SUGCT: variants seen among roughly 807,000 people sequenced by gnomAD.
SUGCT encodes succinyl-CoA:glutarate-CoA transferase, also known as succinyl-CoA:glutarate CoA-transferase.
In SUGCT, 41 loss-of-function variants were observed where a neutral mutation model predicts 55.0. The ratio of observed to expected loss-of-function variants is 0.74; its 90% CI spans 0.58 to 0.97. The LOEUF is 0.97. Ranked by LOEUF, SUGCT falls within the 50% of genes least tolerant of loss-of-function variation. SUGCT has a pLI of 0.00. For missense variants in SUGCT, 568 were observed against 547.8 expected (o/e 1.04, Z -0.37); for synonymous variants, 187 against 200.4 (o/e 0.93, Z 0.56).
rs146695769 is a variant in SUGCT at position 40,611,907 on chromosome 7, C to A, written c.1089+115521C>A. On this transcript the variant is annotated intron_variant, in intron 12 of 13. Coordinates refer to ENST00000335693, the MANE Select transcript of SUGCT (RefSeq NM_001193313.2). ...TCTGTGCAGCCTGTATGCAGAGCTGCTGCTGTAACCACTATCACAGAGCTG... is the reference window on the plus strand; with the variant it reads ...TCTGTGCAGCCTGTATGCAGAGCTGATGCTGTAACCACTATCACAGAGCTG... 3.4e-3 allele frequency among the ~76,000 whole-genome samples: 522 copies of A among 152,216 alleles called. 4 individuals are homozygous for A. The highest frequency in any genetic ancestry group is 0.012 in the African/African-American group (498 of 41,520).
intron 12 of SUGCT, among the ~76,000 whole-genome samples, chr7:40,600,091 C>T (rs1798218867): frequency 6.6e-6 from 1 of 152,176 alleles, no homozygotes; most frequent in Non-Finnish European, 1.5e-5. Flanking sequence ...TACTATGACC[C>T]ATACCTGAAG....
chr7:40,173,734 A>G (rs963800476), intron 1 of SUGCT, among the ~76,000 whole-genome samples: 1 of 152,066 alleles, frequency 6.6e-6, no homozygotes, highest in Non-Finnish European at 1.5e-5. Flanking sequence ...TCTTAGTTGG[A>G]CTAGGAAATC....
intron 6 of SUGCT, among the ~76,000 whole-genome samples, chr7:40,230,724 T>A (rs1788677015): frequency 1.3e-5 from 2 of 152,154 alleles, no homozygotes; most frequent in South Asian, 2.1e-4. Context: ...GTGGGATAAC[T>A]TCTTCTTAGG....
chr7:40,835,322 A>G (rs1185514211), intron 13 of SUGCT, among the ~76,000 whole-genome samples: 1 of 152,218 alleles, frequency 6.6e-6, no homozygotes, highest in Non-Finnish European at 1.5e-5. Context: ...ATTAAAATCT[A>G]ATTTCCAAAG....
At chr7:40,146,964 C>T (rs1045998837) in intron 1 of SUGCT, among the ~76,000 whole-genome samples, 5 of 152,132 alleles carry the variant, frequency 3.3e-5, no homozygotes, top group East Asian at 1.9e-4. Flanking sequence ...TTCTTCCTCT[C>T]TTTGACTTCC....
At chr7:40,904,959 C>G in the SUGCT span, among the ~76,000 whole-genome samples, 3 of 152,130 alleles carry the variant, frequency 2.0e-5, no homozygotes, top group African/African-American at 4.8e-5. Context: ...TGCCTGAAAA[C>G]AAGTGGCGGA....
At chr7:40,541,005 A>G (rs920018398) in intron 12 of SUGCT, among the ~76,000 whole-genome samples, 1 of 152,160 alleles carries the variant, frequency 6.6e-6, no homozygotes, top group Non-Finnish European at 1.5e-5. Flanking sequence ...TTCAGGTGCC[A>G]TGGTAGGTGT....
chr7:40,783,182 A>G (rs1343897159), intron 13 of SUGCT, among the ~76,000 whole-genome samples: 1 of 152,170 alleles, frequency 6.6e-6, no homozygotes, highest in Non-Finnish European at 1.5e-5. Context: ...CACAACATCC[A>G]AAAGCTTGCC....
intron 9 of SUGCT, among the ~76,000 whole-genome samples, chr7:40,418,525 T>A (rs1787130773): frequency 6.6e-6 from 1 of 152,202 alleles, no homozygotes; most frequent in Admixed American, 6.5e-5. Context: ...GGGAGAATAA[T>A]GAGTTTGTAC....
chr7:40,653,404 C>T (rs987519535), intron 12 of SUGCT, among the ~76,000 whole-genome samples: 18 of 151,484 alleles, frequency 1.2e-4, no homozygotes, highest in Admixed American at 4.6e-4. Flanking sequence ...TATTTTTTTT[C>T]CAAAATAAAA....
At chr7:40,848,579 C>T (rs140521434) in intron 13 of SUGCT, among the ~76,000 whole-genome samples, 1 of 151,894 alleles carries the variant, frequency 6.6e-6, no homozygotes, top group East Asian at 1.9e-4. Context: ...AAATAGACAA[C>T]CTATAGATAC....
At chr7:40,379,545 G>A (rs570545097) in intron 9 of SUGCT, among the ~76,000 whole-genome samples, 1 of 152,118 alleles carries the variant, frequency 6.6e-6, no homozygotes, top group South Asian at 2.1e-4. Flanking sequence ...TGTTTTCCTG[G>A]TCAGTTTTCT....
Position 40,423,850 on chromosome 7 carries a change from A to G in SUGCT, c.817-25437A>G, listed in dbSNP as rs577105580. 2.6e-5 allele frequency among the ~76,000 whole-genome samples: 4 copies of G among 152,100 alleles called. No homozygotes were observed. The South Asian group carries it at 8.3e-4, about 31-fold the overall frequency. ...TACAACATCAAGGGGTTTATTTGGA[A>G]TTAAGGTTTATCATAAACTTTATGA... is the stretch of plus-strand genomic sequence containing the variant. On this transcript the variant is annotated intron_variant, in intron 9 of 13. Coordinates refer to ENST00000335693, the MANE Select transcript of SUGCT (RefSeq NM_001193313.2).
chr7:40,598,565 G>C lies in SUGCT; in HGVS notation c.1089+102179G>C. ...AGAACTAGAGAAAGGGTCACTGCAA[G>C]AAGAGGGACTGTTCACGTAGACATG... On this transcript the variant is annotated intron_variant, in intron 12 of 13. Coordinates refer to ENST00000335693, the MANE Select transcript of SUGCT (RefSeq NM_001193313.2). Among the ~76,000 whole-genome samples, 2 of 152,218 alleles carry C rather than the reference G, an allele frequency of 1.3e-5. 1 individual carries two copies. The highest frequency in any genetic ancestry group is 2.9e-5 in the Non-Finnish European group (2 of 68,044).
chr7:40,911,584 A>T, the SUGCT span, among the ~76,000 whole-genome samples: 2 of 146,406 alleles, frequency 1.4e-5, no homozygotes, highest in African/African-American at 2.5e-5. Flanking sequence ...AAAAAAAAAA[A>T]GTCTCTCAAC....
chr7:40,436,575 T>G (rs1267439218), intron 9 of SUGCT, among the ~76,000 whole-genome samples: 3 of 152,190 alleles, frequency 2.0e-5, no homozygotes, highest in Non-Finnish European at 4.4e-5. Flanking sequence ...TGACTAAAGC[T>G]CTGTTCTATA....
chr7:41,022,920 A>G, the SUGCT span, among the ~76,000 whole-genome samples: 1 of 152,240 alleles, frequency 6.6e-6, no homozygotes. Context: ...CAGATTGAAT[A>G]TTATTTTAAC....
intron 12 of SUGCT, among the ~76,000 whole-genome samples, chr7:40,541,119 C>A (rs1222265085): frequency 6.6e-6 from 1 of 151,958 alleles, no homozygotes; most frequent in Non-Finnish European, 1.5e-5. Flanking sequence ...TTAAAAATGC[C>A]CTCCAGGCTC....
chr7:40,225,408 A>C (rs1295927083), intron 6 of SUGCT, among the ~76,000 whole-genome samples: 5 of 151,268 alleles, frequency 3.3e-5, no homozygotes, highest in Non-Finnish European at 7.4e-5. Flanking sequence ...CATATTAATC[A>C]GATTTTTGGT....
Sources: allele counts gnomAD v4.1 joint callset (sites outside exome capture counted in the v4.1 genomes callset), GRCh38; gene constraint gnomAD v4.1.1; transcripts MANE v1.5; gene names NCBI Gene and HGNC (gene_info 2026-07-23, HGNC 2026-07-21).